The following NEGR1 variants were observed in gnomAD, a reference collection of about 807,000 sequenced individuals.
NEGR1 encodes IgLON family member 4.
NEGR1 carries 10 observed loss-of-function variants against 40.9 expected under a neutral mutation model. The observed-to-expected ratio is 0.24, with a 90% CI of 0.15 to 0.42. The LOEUF is 0.42. Ranked by LOEUF, NEGR1 falls within the 10% of genes least tolerant of loss-of-function variation. The probability of loss-of-function intolerance (pLI) is 1.00; values close to 1 mark genes in which losing one functional copy is unlikely to be tolerated. For missense variants in NEGR1, 352 were observed against 438.9 expected, an observed-to-expected ratio of 0.80 and a Z score of 1.77; for synonymous variants, 185 against 166.8, an observed-to-expected ratio of 1.11 and a Z score of -0.84.
chr1:72,193,077 A>C (rs1490479357), intron 1 of NEGR1, among the ~76,000 whole-genome samples: 10 of 151,868 alleles, frequency 6.6e-5, no homozygotes, highest in Non-Finnish European at 1.3e-4. Context: ...TAAGTATATA[A>C]TTAACTTTTC....
At chr1:71,454,254 A>G (rs568972488) in intron 6 of NEGR1, among the ~76,000 whole-genome samples, 3 of 152,268 alleles carry the variant, frequency 2.0e-5, no homozygotes, top group South Asian at 2.1e-4. Context: ...AATTTTTACT[A>G]GAGTGGATTT....
At position 72,143,832 on chromosome 1, in the gene NEGR1, G is replaced by A. The variant is rs569330812; in HGVS notation, c.176+138487C>T. ...AGCTGTGTCTTCAATTCAGGAAAAT[G>A]TACTGATAACAAAGAAGATGGTTCT... is the stretch of plus-strand genomic sequence containing the variant. On this transcript the variant is annotated intron_variant, in intron 1 of 6. Transcript: ENST00000357731. Among the ~76,000 whole-genome samples, 24 of 143,908 alleles carry A rather than the reference G, an allele frequency of 1.7e-4. 1 individual carries two copies. In the South Asian group the frequency reaches 5.1e-3, roughly 31 times the overall value. 94.4% of individuals were successfully genotyped at this position (143,908 alleles called of 152,430 possible).
intron 5 of NEGR1, among the ~76,000 whole-genome samples, chr1:71,601,568 C>T (rs1649919184): frequency 6.6e-6 from 1 of 152,134 alleles, no homozygotes; most frequent in East Asian, 1.9e-4. Context: ...GAGCATCCGT[C>T]AATGGTTGAT....
intron 1 of NEGR1, among the ~76,000 whole-genome samples, chr1:71,944,869 A>T (rs1483747012): frequency 6.6e-6 from 1 of 152,222 alleles, no homozygotes; most frequent in Non-Finnish European, 1.5e-5. Flanking sequence ...CAGTTACTAT[A>T]GTAGCCATTA....
intron 2 of NEGR1, among the ~76,000 whole-genome samples, chr1:71,879,720 G>A (rs1003534783): frequency 3.3e-5 from 5 of 152,078 alleles, no homozygotes; most frequent in African/African-American, 1.2e-4. Flanking sequence ...TCTTAGAAAT[G>A]CCAGGTTTTT....
At chr1:72,187,630 C>G (rs1652659778) in intron 1 of NEGR1, among the ~76,000 whole-genome samples, 1 of 148,278 alleles carries the variant, frequency 6.7e-6, no homozygotes, top group Non-Finnish European at 1.5e-5. Flanking sequence ...ATATTTCTTT[C>G]TAAACATGCC....
At chr1:71,988,506 T>C (rs184294329) in intron 1 of NEGR1, among the ~76,000 whole-genome samples, 3,258 of 122,840 alleles carry the variant, frequency 0.027, 119 homozygotes, top group African/African-American at 0.096. Context: ...GCCACTGCAG[T>C]CCGCAGTCCG....
At chr1:71,514,370 G>A (rs2101421475) in intron 6 of NEGR1, among the ~76,000 whole-genome samples, 1 of 83,360 alleles carries the variant, frequency 1.2e-5, no homozygotes, top group East Asian at 3.2e-4. Context: ...CACGCAGCTG[G>A]AGATCTGAGA....
At chr1:71,773,561 G>A (rs753767522) in intron 3 of NEGR1, among the ~76,000 whole-genome samples, 2 of 152,120 alleles carry the variant, frequency 1.3e-5, no homozygotes, top group Non-Finnish European at 2.9e-5. Flanking sequence ...TATCGGACAT[G>A]TTCCTTAAAG....
intron 4 of NEGR1, among the ~76,000 whole-genome samples, chr1:71,676,971 A>G (rs1488278940): frequency 6.6e-6 from 1 of 152,164 alleles, no homozygotes; most frequent in Non-Finnish European, 1.5e-5. Flanking sequence ...GGGCTTTCCA[A>G]TTAGACATAT....
At chr1:71,953,410 T>C (rs748396487) in intron 1 of NEGR1, among the ~76,000 whole-genome samples, 14 of 152,004 alleles carry the variant, frequency 9.2e-5, no homozygotes, top group Non-Finnish European at 1.5e-4. Context: ...AATGAGGAGC[T>C]GCTCTTTACA....
At chr1:71,420,530 T>C (rs1272651884) in intron 6 of NEGR1, among the ~76,000 whole-genome samples, 6 of 152,056 alleles carry the variant, frequency 3.9e-5, no homozygotes, top group South Asian at 2.1e-4. Context: ...GAAATGATTT[T>C]TACAAAATCA....
chr1:71,632,332 G>T (rs929846308), intron 4 of NEGR1, among the ~76,000 whole-genome samples: 13 of 150,982 alleles, frequency 8.6e-5, no homozygotes, highest in Non-Finnish European at 1.2e-4. Flanking sequence ...CAATTAACTT[G>T]CCATCAGCTG....
At chr1:72,195,920 T>A (rs1652984680) in intron 1 of NEGR1, among the ~76,000 whole-genome samples, 1 of 152,056 alleles carries the variant, frequency 6.6e-6, no homozygotes, top group Non-Finnish European at 1.5e-5. Flanking sequence ...AGCAGTTTTG[T>A]AGACTCAACC....
At chr1:71,494,655 G>A (rs190781072) in intron 6 of NEGR1, among the ~76,000 whole-genome samples, 352 of 152,220 alleles carry the variant, frequency 2.3e-3, no homozygotes, top group Non-Finnish European at 3.8e-3. Context: ...TGGTCCTGGG[G>A]ACCCAGGAAC....
At chr1:71,458,272 C>T (rs1176193150) in intron 6 of NEGR1, among the ~76,000 whole-genome samples, 1 of 152,192 alleles carries the variant, frequency 6.6e-6, no homozygotes, top group Non-Finnish European at 1.5e-5. Flanking sequence ...ATTATATTCT[C>T]TAAATGTTCT....
intron 6 of NEGR1, among the ~76,000 whole-genome samples, chr1:71,447,379 A>C (rs1371081500): frequency 6.6e-6 from 1 of 152,212 alleles, no homozygotes; most frequent in Non-Finnish European, 1.5e-5. Context: ...CCATTGATAT[A>C]AATCATTTTC....
intron 1 of NEGR1, among the ~76,000 whole-genome samples, chr1:71,986,148 A>G (rs1379654129): frequency 6.6e-6 from 1 of 152,226 alleles, no homozygotes; most frequent in Non-Finnish European, 1.5e-5. Context: ...TGAAAATTCT[A>G]TATGTGGTAG....
intron 1 of NEGR1, among the ~76,000 whole-genome samples, chr1:71,974,441 C>T (rs760742034): frequency 1.3e-4 from 19 of 151,762 alleles, no homozygotes; most frequent in Non-Finnish European, 2.2e-4. Context: ...TTCTTTGAGC[C>T]TCTGATAGAC....
Sources: gnomAD v4.1 joint callset for allele counts (sites outside exome capture counted in the v4.1 genomes callset) on GRCh38, gnomAD v4.1.1 for gene constraint, MANE v1.5 for transcripts, NCBI Gene and HGNC (gene_info 2026-07-23, HGNC 2026-07-21) for gene names.